The following CSMD3 variants were observed in gnomAD, a reference collection of about 807,000 sequenced individuals.
CSMD3 encodes the protein CUB and Sushi multiple domains 3, also known as CUB and sushi domain-containing protein 3.
A neutral mutation model predicts 435.2 loss-of-function variants in CSMD3; 177 were observed. The observed-to-expected ratio is 0.41, with a 90% CI of 0.36 to 0.46. CSMD3 has a LOEUF of 0.46. Ranked by LOEUF, CSMD3 falls within the 20% of genes least tolerant of loss-of-function variation. The pLI is 0.34. For missense variants in CSMD3, 4,265 were observed against 4,504.6 expected (o/e 0.95, Z 1.52); for synonymous variants, 1,656 against 1,520.5 (o/e 1.09, Z -2.07).
rs1821934778 is a variant in CSMD3, at chr8:112,311,071, G to C, written c.7792C>G (p.Arg2598Gly). 3.1e-6 allele frequency: 5 copies of C among 1,613,888 alleles called. No homozygotes were observed. Among genetic ancestry groups the C allele is most frequent in the Non-Finnish European group, 4.2e-6 (5 of 1,179,924 alleles). ...CTTTTTCCAACAAGTCGGAATCCTC[G>C]ATCACAGGCCCAACGGACCACACTG... ...LNSVVRWACD[R>G]GFRLVGKSSA... Residue 2598 changes from arginine (R) to glycine (G), a missense_variant, in exon 50 of 71, where the codon CGA becomes GGA. This residue lies in a region of CSMD3 where 3,255 missense variants were observed against 3,380.2 expected (regional missense o/e 0.96). Transcript: ENST00000297405.
chr8:112,439,070 A>G (rs1814691725), intron 32 of CSMD3, among the ~76,000 whole-genome samples: 1 of 152,228 alleles, frequency 6.6e-6, no homozygotes, highest in Non-Finnish European at 1.5e-5. Flanking sequence ...TCACAGATAT[A>G]TTATGATAAT....
chr8:112,662,864 G>T (rs1008939325), intron 17 of CSMD3, among the ~76,000 whole-genome samples: 1 of 152,050 alleles, frequency 6.6e-6, no homozygotes, highest in Admixed American at 6.5e-5. Context: ...GTGGGAAAAG[G>T]ATATGAACAG....
chr8:113,026,345 A>T (rs2086875488), intron 5 of CSMD3, among the ~76,000 whole-genome samples: 1 of 152,098 alleles, frequency 6.6e-6, no homozygotes, highest in South Asian at 2.1e-4. Flanking sequence ...CAGAGATTTC[A>T]CCACTTCCTT....
chr8:113,180,589 G>T (rs527657753), intron 3 of CSMD3, among the ~76,000 whole-genome samples: 15 of 151,954 alleles, frequency 9.9e-5, no homozygotes, highest in African/African-American at 3.6e-4. Context: ...AAGCAAAAAA[G>T]AATTAAACTA....
intron 35 of CSMD3, among the ~76,000 whole-genome samples, chr8:112,403,927 T>C (rs1831547993): frequency 6.6e-6 from 1 of 152,196 alleles, no homozygotes; most frequent in South Asian, 2.1e-4. Flanking sequence ...TTTAAATTAT[T>C]TTTTGTAAGT....
chr8:113,291,443 T>C (rs571452062), intron 2 of CSMD3, among the ~76,000 whole-genome samples: 10 of 151,980 alleles, frequency 6.6e-5, no homozygotes, highest in African/African-American at 1.4e-4. Context: ...TATTGGAAAA[T>C]TGCATGTTTC....
At chr8:112,874,361 G>A (rs1052244300) in intron 10 of CSMD3, among the ~76,000 whole-genome samples, 1 of 152,100 alleles carries the variant, frequency 6.6e-6, no homozygotes, top group Non-Finnish European at 1.5e-5. Flanking sequence ...AGTGTGATGT[G>A]CTGAGAAGAA....
intron 7 of CSMD3, among the ~76,000 whole-genome samples, chr8:112,955,961 A>G (rs1480449540): frequency 6.6e-6 from 1 of 151,858 alleles, no homozygotes; most frequent in African/African-American, 2.4e-5. Flanking sequence ...TTTTAAGGTA[A>G]TTTTTTTCTT....
chr8:113,210,553 C>A (rs2092821925), intron 3 of CSMD3, among the ~76,000 whole-genome samples: 1 of 151,838 alleles, frequency 6.6e-6, no homozygotes, highest in Non-Finnish European at 1.5e-5. Flanking sequence ...ATAAAAATTT[C>A]TACTTTTACT....
intron 1 of CSMD3, among the ~76,000 whole-genome samples, chr8:113,330,997 C>T (rs1322323747): frequency 1.3e-5 from 2 of 151,556 alleles, no homozygotes; most frequent in East Asian, 1.9e-4. Flanking sequence ...AATACAAAGA[C>T]AACAGAAAAA....
At chr8:112,342,997 ATATTTATATATATATATATT>A (rs1825301012) in intron 41 of CSMD3, among the ~76,000 whole-genome samples, 1 of 34,012 alleles carries the variant, frequency 2.9e-5, no homozygotes, top group Non-Finnish European at 7.8e-5. Context: ...TTATATATAT[ATATTTATATATATATATATT>A]TATATATATA....
intron 8 of CSMD3, among the ~76,000 whole-genome samples, chr8:112,948,290 T>C (rs951658627): frequency 6.6e-6 from 1 of 151,964 alleles, no homozygotes; most frequent in African/African-American, 2.4e-5. Context: ...GAAGGTGTAA[T>C]AAAAAATACG....
intron 13 of CSMD3, among the ~76,000 whole-genome samples, chr8:112,725,944 T>C (rs1420436544): frequency 1.3e-5 from 2 of 151,956 alleles, no homozygotes; most frequent in Non-Finnish European, 2.9e-5. Flanking sequence ...GGGTAATTTA[T>C]AAAGGAAAGA....
At chr8:113,300,799 C>A (rs909618418) in intron 2 of CSMD3, among the ~76,000 whole-genome samples, 1 of 151,892 alleles carries the variant, frequency 6.6e-6, no homozygotes, top group Non-Finnish European at 1.5e-5. Context: ...AGCAATATAC[C>A]CATGTAATGA....
chr8:112,392,725 T>G (rs903002897), intron 35 of CSMD3, among the ~76,000 whole-genome samples: 1 of 152,084 alleles, frequency 6.6e-6, no homozygotes, highest in African/African-American at 2.4e-5. Flanking sequence ...CTGGTATGTT[T>G]TCCATGCACT....
chr8:112,356,547 G>A (rs538756858), intron 38 of CSMD3, among the ~76,000 whole-genome samples: 19 of 151,910 alleles, frequency 1.3e-4, no homozygotes, highest in African/African-American at 3.9e-4. Context: ...GAAAATCTAT[G>A]AGTACTGATT....
At chr8:112,699,957 C>T (rs1258847272) in intron 13 of CSMD3, among the ~76,000 whole-genome samples, 1 of 151,450 alleles carries the variant, frequency 6.6e-6, no homozygotes. Flanking sequence ...AAAACATACA[C>T]GTGTGTGTGT....
intron 1 of CSMD3, among the ~76,000 whole-genome samples, chr8:113,428,668 G>A (rs184463703): frequency 6.6e-6 from 1 of 151,906 alleles, no homozygotes; most frequent in African/African-American, 2.4e-5. Context: ...ACACAACAAA[G>A]AATTTTATCC....
chr8:113,332,646 T>C (rs2094037074), intron 1 of CSMD3, among the ~76,000 whole-genome samples: 1 of 151,684 alleles, frequency 6.6e-6, no homozygotes, highest in African/African-American at 2.4e-5. Flanking sequence ...AAATGATAGA[T>C]ATCCTTTTTT....
Sources: allele counts gnomAD v4.1 joint callset (sites outside exome capture counted in the v4.1 genomes callset), GRCh38; gene constraint gnomAD v4.1.1; regional missense constraint gnomAD v4.1.1; transcripts MANE v1.5; gene names NCBI Gene and HGNC (gene_info 2026-07-23, HGNC 2026-07-21).